Variants in REDIC1 observed in about 807,000 individuals in gnomAD.
The protein encoded by REDIC1 is HEI10 Interacting Protein 1.
chr12:39,680,954 G>A, the REDIC1 span, among the ~76,000 whole-genome samples: 1 of 152,166 alleles, frequency 6.6e-6, no homozygotes, highest in African/African-American at 2.4e-5. Flanking sequence ...TGGGAACTAA[G>A]CTTTGAGGAC....
At chr12:39,872,630 A>G in the REDIC1 span, among the ~76,000 whole-genome samples, 1 of 152,230 alleles carries the variant, frequency 6.6e-6, no homozygotes, top group African/African-American at 2.4e-5. Context: ...CTTTTAAAAG[A>G]CCATAATGCC....
At chr12:39,722,594 A>G in the REDIC1 span, among the ~76,000 whole-genome samples, 1 of 152,162 alleles carries the variant, frequency 6.6e-6, no homozygotes, top group Non-Finnish European at 1.5e-5. Context: ...ATATCAAGTA[A>G]ACTGATATTT....
chr12:39,733,961 C>T, the REDIC1 span, among the ~76,000 whole-genome samples: 4 of 152,298 alleles, frequency 2.6e-5, no homozygotes, highest in South Asian at 6.2e-4. Flanking sequence ...GAAAAAAAAA[C>T]TCCTGCAGCT....
At chr12:39,865,011 T>C in the REDIC1 span, 1 of 787,854 alleles carries the variant, frequency 1.3e-6, no homozygotes, top group East Asian at 2.9e-5. Flanking sequence ...TACCGTGCTC[T>C]ATCTTCACTG....
At chr12:39,829,415 T>TTG in the REDIC1 span, 1 of 73,950 alleles carries the variant, frequency 1.4e-5, no homozygotes, top group Non-Finnish European at 2.9e-5. Context: ...TTTTTTTTTT[T>TTG]CTTTTTTTTG....
chr12:39,680,803 C>A, the REDIC1 span, among the ~76,000 whole-genome samples: 10 of 152,046 alleles, frequency 6.6e-5, no homozygotes, highest in Non-Finnish European at 1.2e-4. Flanking sequence ...CACACACTCA[C>A]ACTCCATGGA....
the REDIC1 span, among the ~76,000 whole-genome samples, chr12:39,704,121 T>G: frequency 1.3e-5 from 2 of 151,700 alleles, no homozygotes; most frequent in Non-Finnish European, 1.5e-5. Flanking sequence ...GAAACTACCA[T>G]CAGAGTGAAC....
the REDIC1 span, among the ~76,000 whole-genome samples, chr12:39,838,461 T>G: frequency 6.8e-6 from 1 of 146,130 alleles, no homozygotes; most frequent in South Asian, 2.2e-4. Context: ...CTGCACAATG[T>G]GCACATGTAC....
chr12:39,755,137 ATAACT>A, the REDIC1 span: 1 of 152,068 alleles, frequency 6.6e-6, no homozygotes, highest in African/African-American at 2.4e-5. Context: ...CTTCAATAAA[ATAACT>A]TAAAAAACAT....
the REDIC1 span, among the ~76,000 whole-genome samples, chr12:39,771,453 C>T: frequency 2.0e-5 from 3 of 152,166 alleles, no homozygotes; most frequent in African/African-American, 7.2e-5. Flanking sequence ...CTCTGTCCAA[C>T]AGCAAGCAAG....
At chr12:39,650,564 ATTTAAG>A in the REDIC1 span, among the ~76,000 whole-genome samples, 2 of 152,106 alleles carry the variant, frequency 1.3e-5, no homozygotes, top group African/African-American at 4.8e-5. This position sits in a 1 kb window ranked among gnomAD's most constrained non-coding sequence, Gnocchi z 4.3. Flanking sequence ...CCTTTCATTT[ATTTAAG>A]TTTATTTTTT....
the REDIC1 span, among the ~76,000 whole-genome samples, chr12:39,666,497 T>C: frequency 1.6e-4 from 24 of 152,332 alleles, no homozygotes; most frequent in African/African-American, 5.5e-4. Flanking sequence ...TTTGCATCGA[T>C]GTTCATCAGG....
the REDIC1 span, among the ~76,000 whole-genome samples, chr12:39,898,057 T>C: frequency 6.6e-6 from 1 of 152,094 alleles, no homozygotes. Flanking sequence ...CATCATTATA[T>C]TGAGGAGGCT....
the REDIC1 span, among the ~76,000 whole-genome samples, chr12:39,819,283 G>A: frequency 1.5e-3 from 234 of 152,146 alleles, 3 homozygotes; most frequent in East Asian, 6.4e-3. Flanking sequence ...TATTTTTATC[G>A]TTTGGAGAAT....
the REDIC1 span, among the ~76,000 whole-genome samples, chr12:39,724,178 C>T: frequency 6.6e-6 from 1 of 152,114 alleles, no homozygotes. Flanking sequence ...GTTAAATACT[C>T]CTCCCTTGCC....
chr12:39,849,627 G>GTGCTACAATTTCTGT, the REDIC1 span, among the ~76,000 whole-genome samples: 1 of 152,094 alleles, frequency 6.6e-6, no homozygotes, highest in Non-Finnish European at 1.5e-5. Context: ...TCTTTGTTTA[G>GTGCTACAATTTCTGT]TGCTACAATT....
chr12:39,792,393 A>G, the REDIC1 span, among the ~76,000 whole-genome samples: 1 of 152,118 alleles, frequency 6.6e-6, no homozygotes, highest in Non-Finnish European at 1.5e-5. Flanking sequence ...ATTAAACTAA[A>G]GAGCTTCTGC....
the REDIC1 span, among the ~76,000 whole-genome samples, chr12:39,863,771 T>C: frequency 2.0e-5 from 3 of 152,270 alleles, no homozygotes; most frequent in Middle Eastern, 3.4e-3. Context: ...CAAAGGCACA[T>C]AGATCACAAT....
At chr12:39,676,373 T>C in the REDIC1 span, among the ~76,000 whole-genome samples, 1 of 152,100 alleles carries the variant, frequency 6.6e-6, no homozygotes, top group Non-Finnish European at 1.5e-5. Flanking sequence ...GACAAGGCTT[T>C]TGAATTAACC....
Sources: allele counts gnomAD v4.1 joint callset (sites outside exome capture counted in the v4.1 genomes callset), GRCh38; gene constraint gnomAD v4.1.1; non-coding constraint Gnocchi (gnomAD v3.1); transcripts MANE v1.5; gene names NCBI Gene and HGNC (gene_info 2026-07-23, HGNC 2026-07-21).